Variants in PRKCE observed in about 807,000 individuals in gnomAD.
The protein encoded by PRKCE is protein kinase C epsilon type.
A neutral mutation model predicts 85.4 loss-of-function variants in PRKCE; 16 were observed. The ratio of observed to expected loss-of-function variants is 0.19; its 90% CI spans 0.13 to 0.28. The LOEUF is 0.28. Among genes scored for constraint, PRKCE ranks in the 10% least tolerant of loss-of-function variants. The pLI, the probability that PRKCE is intolerant of heterozygous loss-of-function variation, is 1.00. For synonymous variants in PRKCE, 388 were observed against 371.5 expected, an observed-to-expected ratio of 1.04 and a Z score of -0.51; for missense variants, 573 against 975.2, an observed-to-expected ratio of 0.59 and a Z score of 5.49.
chr2:46,130,948 A>C (rs1173069795), intron 11 of PRKCE, among the ~76,000 whole-genome samples: 5 of 152,154 alleles, frequency 3.3e-5, no homozygotes, highest in Non-Finnish European at 7.4e-5. Flanking sequence ...TTGCTTAAAA[A>C]CTGGGGGTCA....
chr2:46,118,377 T>C (rs560944884), intron 11 of PRKCE, among the ~76,000 whole-genome samples: 1 of 152,260 alleles, frequency 6.6e-6, no homozygotes, highest in East Asian at 1.9e-4. Context: ...TGATCTCAAA[T>C]TGGTAAAGGA....
chr2:46,183,520 C>A (rs1437155177), intron 14 of PRKCE, among the ~76,000 whole-genome samples: 1 of 152,174 alleles, frequency 6.6e-6, no homozygotes, highest in Non-Finnish European at 1.5e-5. Flanking sequence ...GGAGTCCCTG[C>A]CTTTAATCTT....
chr2:45,672,442 C>T (rs984718297), intron 1 of PRKCE, among the ~76,000 whole-genome samples: 1 of 152,244 alleles, frequency 6.6e-6, no homozygotes. Context: ...CTCCATCCAT[C>T]CATCCAGCCA....
At chr2:46,157,108 A>G (rs1677287938) in intron 13 of PRKCE, among the ~76,000 whole-genome samples, 1 of 152,192 alleles carries the variant, frequency 6.6e-6, no homozygotes, top group South Asian at 2.1e-4. Context: ...TTGGAGCTGC[A>G]ACTCTGAATC....
chr2:46,117,495 A>G (rs1000765717), intron 11 of PRKCE, among the ~76,000 whole-genome samples: 2 of 152,212 alleles, frequency 1.3e-5, no homozygotes, highest in Non-Finnish European at 2.9e-5. Context: ...AGGTCCAGAA[A>G]TCACATGGGC....
intron 1 of PRKCE, among the ~76,000 whole-genome samples, chr2:45,731,383 C>G (rs1399435699): frequency 6.6e-6 from 1 of 152,050 alleles, no homozygotes; most frequent in Non-Finnish European, 1.5e-5. Flanking sequence ...AATGTCTGGC[C>G]TGGGAGAGAT....
chr2:45,962,320 G>C (rs10197354), intron 2 of PRKCE, among the ~76,000 whole-genome samples: 23,716 of 152,214 alleles, frequency 0.16, 2,736 homozygotes, highest in East Asian at 0.42. Flanking sequence ...AGGGCCTGTG[G>C]CCAGTAATAT....
intron 1 of PRKCE, among the ~76,000 whole-genome samples, chr2:45,688,878 G>A (rs1440052919): frequency 6.6e-6 from 1 of 152,200 alleles, no homozygotes; most frequent in Non-Finnish European, 1.5e-5. Flanking sequence ...TCTCTTATCA[G>A]TAAGCTTCTG....
intron 2 of PRKCE, among the ~76,000 whole-genome samples, chr2:45,901,259 G>T (rs577519100): frequency 6.6e-6 from 1 of 152,110 alleles, no homozygotes; most frequent in East Asian, 1.9e-4. Context: ...ACTCCTAATC[G>T]GTTGCTTGAG....
At chr2:46,091,371 G>A (rs147962085) in intron 11 of PRKCE, among the ~76,000 whole-genome samples, 15 of 152,276 alleles carry the variant, frequency 9.9e-5, no homozygotes, top group Non-Finnish European at 2.1e-4. Context: ...GTTAGTCTCC[G>A]AGCTGCTCAA....
rs985691851 is a variant in PRKCE at position 46,068,908 on chromosome 2, C to A, written c.1438-17300C>A. On this transcript the variant is annotated intron_variant, in intron 10 of 14. Coordinates refer to ENST00000306156, the MANE Select transcript of PRKCE (RefSeq NM_005400.3). The surrounding 1 kb of genome is among the most constrained non-coding windows in gnomAD (Gnocchi z 4.3). ...GTCCTTGTGACTCCAAGGGTGATCC[C>A]TAGACTAGCAGCATTGCATTACCTG... Among the ~76,000 whole-genome samples the A allele has an allele frequency of 2.0e-4, 30 of 152,212 alleles. No individual in the cohort carries two copies. Among genetic ancestry groups the A allele is most frequent in the African/African-American group, 7.0e-4 (29 of 41,456 alleles).
rs754142497 is a variant in PRKCE at position 46,001,528 on chromosome 2, C to T, written c.948C>T (p.Ser316=). The change falls in exon 7 of 15, where the codon AGC becomes AGT. Residue 316 remains serine, a synonymous_variant. Coordinates refer to ENST00000306156, the MANE Select transcript of PRKCE (RefSeq NM_005400.3). The surrounding 1 kb of genome is among the most constrained non-coding windows in gnomAD (Gnocchi z 4.4). ...LGVTPDKITN[S]GQRRKKLIAG... ...TTACCCCAGACAAAATCACCAACAG[C>T]GGCCAGAGAAGGAAAAAGGTAACTG... is the stretch of plus-strand genomic sequence containing the variant. 2.0e-5 allele frequency: 32 copies of T among 1,598,650 alleles called. No homozygotes were observed. The highest frequency in any genetic ancestry group is 5.3e-5 in the African/African-American group (4 of 74,814).
chr2:45,924,607 C>T (rs987350650), intron 2 of PRKCE, among the ~76,000 whole-genome samples: 1 of 152,164 alleles, frequency 6.6e-6, no homozygotes, highest in Non-Finnish European at 1.5e-5. Context: ...CACTTCCCTA[C>T]CCCATCAGGT....
In PRKCE at chr2:46,047,518, C is replaced by T. The variant is rs567558468; in HGVS notation, c.1437+37001C>T. ...GTGCTGTGTGGTCAGTGGAAGGAGG[C>T]CTTTACTTGGCACATCCTGTGTAAC... On this transcript the variant is annotated intron_variant, in intron 10 of 14. Transcript: ENST00000306156. Among the ~76,000 whole-genome samples the T allele has an allele frequency of 1.6e-3, 239 of 152,284 alleles. 1 individual carries two copies. The highest frequency in any genetic ancestry group is 4.5e-3 in the African/African-American group (185 of 41,554).
chr2:45,762,401 G>A (rs1684579190), intron 1 of PRKCE, among the ~76,000 whole-genome samples: 1 of 152,190 alleles, frequency 6.6e-6, no homozygotes, highest in South Asian at 2.1e-4. Flanking sequence ...TTTGCTCCCT[G>A]CTGAACTTTG....
chr2:46,031,002 C>T lies in PRKCE; in HGVS notation c.1437+20485C>T, dbSNP rs149000079. Among the ~76,000 whole-genome samples, 20 of 152,284 alleles carry T rather than the reference C, an allele frequency of 1.3e-4. 1 individual carries two copies. In the East Asian group the frequency reaches 3.7e-3, roughly 28 times the overall value. ...GCATTCTATATTTAAACAACTCTGT[C>T]GTGAATGATGTACCATGCTCTATGT... On this transcript the variant is annotated intron_variant, in intron 10 of 14. Coordinates refer to ENST00000306156, the MANE Select transcript of PRKCE (RefSeq NM_005400.3).
intron 14 of PRKCE, among the ~76,000 whole-genome samples, chr2:46,182,247 C>T (rs189053871): frequency 6.6e-6 from 1 of 152,290 alleles, no homozygotes; most frequent in African/African-American, 2.4e-5. Flanking sequence ...CAATCCTCCC[C>T]AGTCAGTGAA....
intron 6 of PRKCE, among the ~76,000 whole-genome samples, chr2:45,988,219 C>T (rs1312541164): frequency 1.3e-5 from 2 of 152,180 alleles, no homozygotes; most frequent in African/African-American, 4.8e-5. Flanking sequence ...ATGGCTTCAG[C>T]TTTTTTGCCA....
chr2:45,980,895 A>G (rs1702839503), intron 5 of PRKCE, among the ~76,000 whole-genome samples: 1 of 152,224 alleles, frequency 6.6e-6, no homozygotes, highest in South Asian at 2.1e-4. Context: ...AACATATATT[A>G]TTTAATCACA....
Sources: allele counts gnomAD v4.1 joint callset (sites outside exome capture counted in the v4.1 genomes callset), GRCh38; gene constraint gnomAD v4.1.1; non-coding constraint Gnocchi (gnomAD v3.1); transcripts MANE v1.5; gene names NCBI Gene and HGNC (gene_info 2026-07-23, HGNC 2026-07-21).